LUZP2: variants seen among roughly 807,000 people sequenced by gnomAD.
The protein encoded by LUZP2 is leucine zipper protein 2.
Under a neutral mutation model 51.6 loss-of-function variants are expected in LUZP2, and 52 were observed. The observed-to-expected ratio is 1.01, with a 90% confidence interval of 0.81 to 1.27. The LOEUF is 1.27. Among genes scored for constraint, LUZP2 ranks in the 50% most tolerant of loss-of-function variants. The probability of loss-of-function intolerance (pLI) is 0.00; values close to 1 mark genes in which losing one functional copy is unlikely to be tolerated. For missense variants in LUZP2, 436 were observed against 395.4 expected (o/e 1.10, Z -0.87); for synonymous variants, 154 against 137.3 (o/e 1.12, Z -0.85).
chr11:25,015,983 C>T (rs2133965773), intron 9 of LUZP2, among the ~76,000 whole-genome samples: 1 of 149,088 alleles, frequency 6.7e-6, no homozygotes, highest in East Asian at 2.0e-4. Context: ...TGCAGTGGTG[C>T]AATCTCGGCT....
chr11:24,762,941 C>A (rs1860034757), intron 4 of LUZP2: 2 of 950,394 alleles, frequency 2.1e-6, no homozygotes, highest in African/African-American at 3.6e-5. Flanking sequence ...TTTAAAGAAC[C>A]ACATTTTTAA....
intron 7 of LUZP2, among the ~76,000 whole-genome samples, chr11:24,960,192 G>C (rs1482762975): frequency 6.6e-6 from 1 of 152,186 alleles, no homozygotes; most frequent in Non-Finnish European, 1.5e-5. Flanking sequence ...GTTCATCAAG[G>C]ATATTGTTCT....
chr11:25,000,409 A>T (rs1856650892), intron 9 of LUZP2, among the ~76,000 whole-genome samples: 1 of 152,054 alleles, frequency 6.6e-6, no homozygotes, highest in Non-Finnish European at 1.5e-5. Flanking sequence ...TCCAGAGGGG[A>T]ACTCTTCAGG....
intron 1 of LUZP2, among the ~76,000 whole-genome samples, chr11:24,642,574 G>A (rs768358664): frequency 2.6e-5 from 4 of 151,784 alleles, no homozygotes; most frequent in Non-Finnish European, 5.9e-5. Flanking sequence ...TTATGTGAAA[G>A]CATAATATAC....
intron 5 of LUZP2, among the ~76,000 whole-genome samples, chr11:24,834,572 T>C (rs1271242901): frequency 6.6e-6 from 1 of 152,226 alleles, no homozygotes; most frequent in Non-Finnish European, 1.5e-5. Flanking sequence ...CATGTGTCTT[T>C]ATAGTAGAAT....
chr11:24,912,321 A>C (rs1336434326), intron 6 of LUZP2, among the ~76,000 whole-genome samples: 1 of 151,836 alleles, frequency 6.6e-6, no homozygotes, highest in Non-Finnish European at 1.5e-5. Context: ...CATGAAATGC[A>C]GGTGACTTAT....
chr11:24,871,535 C>T (rs901524935), intron 5 of LUZP2, among the ~76,000 whole-genome samples: 1 of 152,020 alleles, frequency 6.6e-6, no homozygotes, highest in African/African-American at 2.4e-5. Flanking sequence ...AAAGGCTTTT[C>T]CAGGGACCCT....
intron 1 of LUZP2, among the ~76,000 whole-genome samples, chr11:24,656,931 T>C (rs1012933634): frequency 6.6e-5 from 10 of 152,206 alleles, no homozygotes; most frequent in African/African-American, 2.4e-4. Context: ...TCTGTAACTT[T>C]ATTGCATTTG....
rs979834263 is a variant in LUZP2, at chr11:24,504,695, G to T, written c.62+7390G>T. 1.3e-5 allele frequency among the ~76,000 whole-genome samples: 2 copies of T among 151,962 alleles called. 1 individual carries two copies. Among genetic ancestry groups the T allele is most frequent in the Non-Finnish European group, 2.9e-5 (2 of 67,996 alleles). On this transcript the variant is annotated intron_variant, in intron 1 of 11. Coordinates refer to ENST00000336930, the MANE Select transcript of LUZP2 (RefSeq NM_001009909.4). ...TTATATAGAACACCTCAAGCAATCA[G>T]CATGTAATTTAATAATTTTTTTTTA...
chr11:24,498,102 G>C (rs538707390), intron 1 of LUZP2, among the ~76,000 whole-genome samples: 2 of 152,222 alleles, frequency 1.3e-5, no homozygotes, highest in South Asian at 4.1e-4. Context: ...AGTTGTGATG[G>C]GTTTGCTTTT....
In LUZP2 at chr11:24,715,296, TGTGTGTGTGTGC is replaced by T. The variant is rs780197918; in HGVS notation, c.63-13872_63-13861del. Among the ~76,000 whole-genome samples the T allele has an allele frequency of 2.1e-3, 295 of 137,348 alleles. 1 individual carries two copies. Among genetic ancestry groups the T allele is most frequent in the Middle Eastern group, 3.8e-3 (1 of 262 alleles). 90.1% of individuals were successfully genotyped at this position (137,348 alleles called of 152,430 possible). Reference sequence around the variant, plus strand: ...GTGTGTGTGTGTGTGTGTGTGTGTGTGTGTGTGTGTGCATGCGTATTTCTAAATATATCTTGG... The same window carrying T: ...GTGTGTGTGTGTGTGTGTGTGTGTGTATGCGTATTTCTAAATATATCTTGG... On this transcript the variant is annotated intron_variant, in intron 1 of 11. Transcript: ENST00000336930.
intron 1 of LUZP2, among the ~76,000 whole-genome samples, chr11:24,696,441 G>T (rs11028110): frequency 0.26 from 39,031 of 151,958 alleles, 5,717 homozygotes; most frequent in Middle Eastern, 0.37. Flanking sequence ...TGAGCATAAT[G>T]TTGGGAGTTG....
At chr11:24,917,844 T>G (rs971291249) in intron 7 of LUZP2, among the ~76,000 whole-genome samples, 5 of 152,174 alleles carry the variant, frequency 3.3e-5, no homozygotes, top group Admixed American at 1.3e-4. Flanking sequence ...ATATGAACTT[T>G]AAAGTAGTTT....
chr11:24,977,480 C>T (rs1245360982), intron 8 of LUZP2, among the ~76,000 whole-genome samples: 1 of 151,494 alleles, frequency 6.6e-6, no homozygotes, highest in Non-Finnish European at 1.5e-5. Flanking sequence ...TGGGGAAAAA[C>T]AGTAAAATAA....
intron 4 of LUZP2, among the ~76,000 whole-genome samples, chr11:24,745,669 T>A (rs79862433): frequency 0.017 from 2,531 of 152,042 alleles, 64 homozygotes; most frequent in African/African-American, 0.052. Context: ...TTGTTGTTGT[T>A]TGATTTGTTT....
At chr11:24,921,214 G>T (rs533273799) in intron 7 of LUZP2, among the ~76,000 whole-genome samples, 311 of 152,076 alleles carry the variant, frequency 2.0e-3, no homozygotes, top group Non-Finnish European at 3.6e-3. Flanking sequence ...ACAGAGGGAG[G>T]GGGGCTCGGA....
intron 9 of LUZP2, among the ~76,000 whole-genome samples, chr11:24,995,921 A>G (rs1438877139): frequency 6.6e-6 from 1 of 151,712 alleles, no homozygotes; most frequent in Non-Finnish European, 1.5e-5. Flanking sequence ...ACATGACCCA[A>G]TCTTTTTTTT....
chr11:24,502,942 T>G (rs1482773232), intron 1 of LUZP2, among the ~76,000 whole-genome samples: 2 of 152,258 alleles, frequency 1.3e-5, no homozygotes, highest in Non-Finnish European at 2.9e-5. Flanking sequence ...TATTTTCTAC[T>G]TCTTCATTGA....
At chr11:24,628,244 A>G (rs1333637313) in intron 1 of LUZP2, among the ~76,000 whole-genome samples, 1 of 151,808 alleles carries the variant, frequency 6.6e-6, no homozygotes, top group East Asian at 1.9e-4. Context: ...CCTGGGATAC[A>G]TGTCTATCTA....
Sources: gnomAD v4.1 joint callset for allele counts (sites outside exome capture counted in the v4.1 genomes callset) on GRCh38, gnomAD v4.1.1 for gene constraint, MANE v1.5 for transcripts, NCBI Gene and HGNC (gene_info 2026-07-23, HGNC 2026-07-21) for gene names.